Variants in PDE8B observed in about 807,000 individuals in gnomAD.
The protein encoded by PDE8B is high affinity cAMP-specific and IBMX-insensitive 3',5'-cyclic phosphodiesterase 8B.
In PDE8B, 26 loss-of-function variants were observed where a neutral mutation model predicts 101.3. The observed-to-expected ratio is 0.26, with a 90% CI of 0.19 to 0.36. The LOEUF (loss-of-function observed/expected upper bound fraction) is 0.36, where lower values mean the gene tolerates loss of function less well. PDE8B is among the 10% of genes least tolerant of loss of function. The pLI is 1.00. For missense variants in PDE8B, 810 were observed against 1,163.1 expected (o/e 0.70, Z 4.42); for synonymous variants, 424 against 429.3 (o/e 0.99, Z 0.15).
chr5:77,221,911 A>T (rs545741951), intron 1 of PDE8B, among the ~76,000 whole-genome samples: 14 of 152,288 alleles, frequency 9.2e-5, no homozygotes, highest in African/African-American at 3.4e-4. Context: ...TTCGAAACTC[A>T]TTGTTTGTAG....
chr5:77,367,759 G>C (rs560476063), intron 10 of PDE8B, among the ~76,000 whole-genome samples: 54 of 152,276 alleles, frequency 3.5e-4, no homozygotes, highest in African/African-American at 1.3e-3. Flanking sequence ...TCAATCTCCT[G>C]ACCTCATGAT....
the PDE8B span, among the ~76,000 whole-genome samples, chr5:77,158,449 G>A: frequency 6.6e-6 from 1 of 152,194 alleles, no homozygotes; most frequent in African/African-American, 2.4e-5. Flanking sequence ...TGCTAGTTAA[G>A]GAGACATGCT....
At chr5:77,106,045 G>C in the PDE8B span, 2 of 152,096 alleles carry the variant, frequency 1.3e-5, no homozygotes, top group Non-Finnish European at 2.9e-5. Context: ...AGTTGTATTA[G>C]TTCTTTATAT....
rs1036698356 is a variant in PDE8B at position 77,400,423 on chromosome 5, A to G, written c.1210+133A>G. The G allele has an allele frequency of 2.7e-5, 19 of 714,332 alleles. No homozygotes were observed. In the African/African-American group the frequency reaches 3.2e-4, roughly 12 times the overall value. 44.2% of individuals were successfully genotyped at this position (714,332 alleles called of 1,614,324 possible). ...GGAGTGCTAAAATCCACGTGCTCAT[A>G]TCACAAGGTTGGCAAGCCAGAAGAA... On this transcript the variant is annotated intron_variant, in intron 11 of 21. Coordinates refer to ENST00000264917, the MANE Select transcript of PDE8B (RefSeq NM_003719.5).
chr5:77,223,480 A>G (rs947133654), intron 1 of PDE8B, among the ~76,000 whole-genome samples: 4 of 148,626 alleles, frequency 2.7e-5, no homozygotes, highest in African/African-American at 1.0e-4. Flanking sequence ...GACTACCCAC[A>G]TCTCAAGTGC....
chr5:77,388,706 G>A (rs539798931), intron 10 of PDE8B, among the ~76,000 whole-genome samples: 1 of 152,348 alleles, frequency 6.6e-6, no homozygotes, highest in East Asian at 1.9e-4. Flanking sequence ...GTCCCAGGGA[G>A]ATGGGGGTTT....
At chr5:77,142,802 A>G in the PDE8B span, among the ~76,000 whole-genome samples, 1 of 151,956 alleles carries the variant, frequency 6.6e-6, no homozygotes, top group Non-Finnish European at 1.5e-5. Context: ...GCAGTGCCTG[A>G]AACTGCACAG....
chr5:77,425,171 A>AGT (rs1797759668), intron 20 of PDE8B, among the ~76,000 whole-genome samples: 1 of 152,214 alleles, frequency 6.6e-6, no homozygotes, highest in Admixed American at 6.5e-5. Context: ...ATGACATTGA[A>AGT]CAGAGCTTTG....
In PDE8B at chr5:77,344,293, G is replaced by A. The variant is rs1023165328; in HGVS notation, c.798-560G>A. 2.6e-5 allele frequency among the ~76,000 whole-genome samples: 4 copies of A among 152,322 alleles called. No individual in the cohort carries two copies. The South Asian group carries it at 8.3e-4, about 32-fold the overall frequency. On this transcript the variant is annotated intron_variant, in intron 6 of 21. Transcript: ENST00000264917. ...TTTACACCAACATCATCACGGACAC[G>A]TGAGGGTGTTATGTCTGCTACGACA...
chr5:77,116,224 ATT>A, the PDE8B span, among the ~76,000 whole-genome samples: 66 of 59,578 alleles, frequency 1.1e-3, no homozygotes, highest in African/African-American at 4.0e-3. Context: ...ATATATATAT[ATT>A]TTTTTTTTTT....
chr5:77,258,289 C>CAAAAAAAAAAAA (rs70988662), intron 1 of PDE8B, among the ~76,000 whole-genome samples: 1 of 88,580 alleles, frequency 1.1e-5, no homozygotes, highest in Non-Finnish European at 2.2e-5. Context: ...GACTCCATCT[C>CAAAAAAAAAAAA]AAAAAAAAAA....
chr5:77,425,689 G>C, intron 20 of PDE8B, 78 bp from the exon 21 acceptor site: 2 of 1,440,382 alleles, frequency 1.4e-6, no homozygotes, highest in South Asian at 2.3e-5. Flanking sequence ...TTTTCACAGG[G>C]TTGTTCTGAG....
intron 11 of PDE8B, among the ~76,000 whole-genome samples, chr5:77,402,991 C>A (rs1317483181): frequency 6.6e-6 from 1 of 152,158 alleles, no homozygotes; most frequent in Non-Finnish European, 1.5e-5. Flanking sequence ...GAAGCGCATT[C>A]TTCCTGCTGA....
the PDE8B span, among the ~76,000 whole-genome samples, chr5:77,189,364 AG>A: frequency 6.6e-6 from 1 of 152,186 alleles, no homozygotes; most frequent in Admixed American, 6.5e-5. Flanking sequence ...AGGGAAGAAG[AG>A]GGAGAGGAGA....
At chr5:77,143,226 G>T in the PDE8B span, among the ~76,000 whole-genome samples, 2 of 152,290 alleles carry the variant, frequency 1.3e-5, no homozygotes, top group Non-Finnish European at 2.9e-5. Context: ...CAACATCGGA[G>T]AACTCCTGTT....
Position 77,331,468 on chromosome 5 carries a change from A to G in PDE8B, c.708+9A>G. On this transcript the variant is annotated intron_variant, in intron 5 of 21. Transcript: ENST00000264917. Reference sequence around the variant, plus strand: ...ACGCAGGCTTCAACAGGGTATGTACAAGATATCCAGCATCTCTCTCAGTTG... The same window carrying G: ...ACGCAGGCTTCAACAGGGTATGTACGAGATATCCAGCATCTCTCTCAGTTG... 2 of 1,607,648 alleles carry G rather than the reference A, an allele frequency of 1.2e-6. No homozygotes were observed. Among genetic ancestry groups the G allele is most frequent in the Non-Finnish European group, 1.7e-6 (2 of 1,174,336 alleles).
At chr5:77,215,759 A>G (rs1749542872) in intron 1 of PDE8B, among the ~76,000 whole-genome samples, 1 of 152,196 alleles carries the variant, frequency 6.6e-6, no homozygotes, top group Admixed American at 6.5e-5. Context: ...TAATCAAAAT[A>G]GGAAGGAGGG....
At chr5:77,358,358 C>A in intron 10 of PDE8B, 1 of 770,880 alleles carries the variant, frequency 1.3e-6, no homozygotes, top group Non-Finnish European at 1.6e-6. Context: ...AGGAAATCTT[C>A]CAAACCTTCC....
chr5:77,150,302 A>G, the PDE8B span, among the ~76,000 whole-genome samples: 3 of 152,118 alleles, frequency 2.0e-5, no homozygotes, highest in Non-Finnish European at 4.4e-5. Context: ...CAGCTCCCCC[A>G]TCCTGCAGGA....
Sources: allele counts gnomAD v4.1 joint callset (sites outside exome capture counted in the v4.1 genomes callset), GRCh38; gene constraint gnomAD v4.1.1; transcripts MANE v1.5; gene names NCBI Gene and HGNC (gene_info 2026-07-23, HGNC 2026-07-21).